AP3B2: variants seen among roughly 807,000 people sequenced by gnomAD.
AP3B2 encodes the protein adaptor related protein complex 3 subunit beta 2.
AP3B2 carries 50 observed loss-of-function variants against 126.9 expected under a neutral mutation model. The observed-to-expected ratio is 0.39, with a 90% CI of 0.31 to 0.50. AP3B2 has a LOEUF of 0.50. Among genes scored for constraint, AP3B2 ranks in the 20% least tolerant of loss-of-function variants. The probability of loss-of-function intolerance (pLI) is 0.79; values close to 1 mark genes in which losing one functional copy is unlikely to be tolerated. For synonymous variants in AP3B2, 541 were observed against 565.0 expected (o/e 0.96, Z 0.60); for missense variants, 1,177 against 1,426.4 (o/e 0.83, Z 2.82).
intron 23 of AP3B2, 133 bp downstream of exon 23, chr15:82,662,561 G>A (rs2047970138): frequency 2.4e-6 from 2 of 847,308 alleles, no homozygotes; most frequent in Admixed American, 2.5e-5. Context: ...CCAGAGTGTT[G>A]ATCATGTTAG....
At chr15:82,690,150 C>T (rs554407655) in intron 1 of AP3B2, among the ~76,000 whole-genome samples, 3 of 151,890 alleles carry the variant, frequency 2.0e-5, no homozygotes, top group South Asian at 2.1e-4. Context: ...ATGGTCCTGC[C>T]GACACCTTGA....
At chr15:82,689,651 C>T (rs2048490838) in intron 1 of AP3B2, 198 bp from the exon 2 acceptor site, 3 of 594,044 alleles carry the variant, frequency 5.1e-6, no homozygotes, top group Non-Finnish European at 9.0e-6. Flanking sequence ...GTGGGTTGAA[C>T]TGTGTCCTTC....
At position 82,681,086 on chromosome 15, in the gene AP3B2, C is replaced by T. The variant is rs776099793; in HGVS notation, c.588+26G>A. 86 of 1,613,428 alleles carry T rather than the reference C, an allele frequency of 5.3e-5. No individual in the cohort carries two copies. The highest frequency in any genetic ancestry group is 7.0e-5 in the Non-Finnish European group (82 of 1,179,802). ...GAAGGCCGGCTGCCGGTCACCACCC[C>T]TCCCGGAGCGCCCCTATACACGCAC... is the stretch of plus-strand genomic sequence containing the variant. On this transcript the variant is annotated intron_variant, in intron 6 of 26. Transcript: ENST00000535359. The surrounding 1 kb of genome is among the most constrained non-coding windows in gnomAD (Gnocchi z 4.0).
At position 82,665,414 on chromosome 15, in the gene AP3B2, CACACACACACACACACACACT is replaced by C. The variant is rs2048037814; in HGVS notation, c.1971+22_1971+42del. The C allele has an allele frequency of 8.6e-7, 1 of 1,156,572 alleles. No individual in the cohort carries two copies. Among genetic ancestry groups the C allele is most frequent in the East Asian group, 2.6e-5 (1 of 38,758 alleles). 71.6% of individuals were successfully genotyped at this position (1,156,572 alleles called of 1,614,324 possible). A position where few individuals can be genotyped will look rare whatever the true frequency, so the allele number is the denominator to read the frequency against. ...ACACACACACACACACACACACACA[CACACACACACACACACACACT>C]TCAACCCTCCACCCCGCTGACCTCC... is the stretch of plus-strand genomic sequence containing the variant. On this transcript the variant is annotated intron_variant, in intron 16 of 26. Coordinates refer to ENST00000535359, the MANE Select transcript of AP3B2 (RefSeq NM_001278512.2). This position sits in a 1 kb window ranked among gnomAD's most constrained non-coding sequence, Gnocchi z 4.4.
Position 82,666,739 on chromosome 15 carries a change from G to C in AP3B2, c.1852+8C>G. On this transcript the variant is annotated splice_region_variant and intron_variant, in intron 15 of 26. Transcript: ENST00000535359. ...CCTAGGAAGGTTACCCTTGATTTCA[G>C]CTCCCACCTTTGAAGGATGACTCCA... The C allele has an allele frequency of 6.2e-7, 1 of 1,612,276 alleles. No individual in the cohort carries two copies. Among genetic ancestry groups the C allele is most frequent in the Non-Finnish European group, 8.5e-7 (1 of 1,178,806 alleles).
rs1375033006 is a variant in AP3B2 at position 82,676,538 on chromosome 15, A to G, written c.1588T>C (p.Phe530Leu). 2 of 1,613,870 alleles carry G rather than the reference A, an allele frequency of 1.2e-6. No individual in the cohort carries two copies. The highest frequency in any genetic ancestry group is 1.3e-5 in the African/African-American group (1 of 74,912). Reference sequence around the variant, plus strand: ...TTGACAATATCCTCCTCTGCTGTGAATGACTTGGCCATTTTTCTTAAGACA... The same window carrying G: ...TTGACAATATCCTCCTCTGCTGTGAGTGACTTGGCCATTTTTCTTAAGACA... ...PDVLRKMAKS[F>L]TAEEDIVKLQ... is the part of the protein sequence containing the mutation. Residue 530 changes from phenylalanine (F) to leucine (L), a missense_variant, in exon 14 of 27, where the codon TTC (phenylalanine) becomes CTC (leucine). Phe to Leu is a conservative substitution (Grantham distance 22). Transcript: ENST00000535359.
intron 14 of AP3B2, 97 bp from the exon 15 acceptor site, chr15:82,667,030 TCTC>T: frequency 4.7e-6 from 6 of 1,279,982 alleles, no homozygotes; most frequent in Non-Finnish European, 6.6e-6. Context: ...AGGCAGAACG[TCTC>T]CTCTCCCTGC....
intron 1 of AP3B2, among the ~76,000 whole-genome samples, chr15:82,701,592 G>A (rs909856626): frequency 1.3e-5 from 2 of 152,086 alleles, no homozygotes; most frequent in East Asian, 1.9e-4. Flanking sequence ...TTTAGATGTC[G>A]ACTTAGAATG....
chr15:82,665,663 T>A lies in AP3B2; in HGVS notation c.1853-88A>T. On this transcript the variant is annotated intron_variant, in intron 15 of 26. Transcript: ENST00000535359. The surrounding 1 kb of genome is among the most constrained non-coding windows in gnomAD (Gnocchi z 4.4). ...TCCAGGTGGGGCTGGGTGGTGATTC[T>A]GGTTGGGACTTCCCAGGTGGGTAGG... 1 of 1,067,414 alleles carries A rather than the reference T, an allele frequency of 9.4e-7. No homozygotes were observed. The highest frequency in any genetic ancestry group is 1.4e-6 in the Non-Finnish European group (1 of 703,448). The allele number at this position is 1,067,414 out of a possible 1,614,324, so 66.1% of individuals were successfully genotyped here. A position where few individuals can be genotyped will look rare whatever the true frequency, so the allele number is the denominator to read the frequency against.
intron 25 of AP3B2, among the ~76,000 whole-genome samples, chr15:82,660,789 C>G (rs776649569): frequency 2.0e-5 from 3 of 152,186 alleles, no homozygotes; most frequent in Non-Finnish European, 4.4e-5. Context: ...TGTTCATGTT[C>G]AAGTGTCCCC....
At chr15:82,667,237 T>C (rs2048074126) in intron 14 of AP3B2, among the ~76,000 whole-genome samples, 1 of 152,158 alleles carries the variant, frequency 6.6e-6, no homozygotes, top group Non-Finnish European at 1.5e-5. Flanking sequence ...AGATTTGTGG[T>C]CCCTACCACT....
chr15:82,709,116 G>A (rs1448709214), intron 1 of AP3B2, among the ~76,000 whole-genome samples: 1 of 152,114 alleles, frequency 6.6e-6, no homozygotes, highest in African/African-American at 2.4e-5. Flanking sequence ...GGGACCAGAG[G>A]GAGGGGAAAT....
At chr15:82,703,100 T>C (rs929835457) in intron 1 of AP3B2, among the ~76,000 whole-genome samples, 11 of 152,144 alleles carry the variant, frequency 7.2e-5, no homozygotes, top group African/African-American at 2.4e-4. Context: ...CCGGCGCCGA[T>C]CACGGACTCA....
rs1056829537 is a variant in AP3B2, at chr15:82,681,741, A to G, written c.361-161T>C. ...TGTGCCAGTGATGGGTATCTGGGGG[A>G]CACTTAATTTTGGCTCTGGTTGCAG... On this transcript the variant is annotated intron_variant, in intron 4 of 26. Transcript: ENST00000535359. The surrounding 1 kb of genome is among the most constrained non-coding windows in gnomAD (Gnocchi z 4.0). 12 of 783,192 alleles carry G rather than the reference A, an allele frequency of 1.5e-5. No individual in the cohort carries two copies. Among genetic ancestry groups the G allele is most frequent in the Non-Finnish European group, 2.2e-5 (11 of 506,008 alleles). 48.5% of individuals were successfully genotyped at this position (783,192 alleles called of 1,614,324 possible).
intron 1 of AP3B2, among the ~76,000 whole-genome samples, chr15:82,694,871 A>G (rs894285205): frequency 6.6e-6 from 1 of 152,114 alleles, no homozygotes; most frequent in Non-Finnish European, 1.5e-5. Context: ...TTTGGTCTCT[A>G]TACCCCATTT....
In AP3B2 at chr15:82,664,464, T is replaced by C. The variant is rs1469399444; in HGVS notation, c.2164A>G (p.Ser722Gly). 3 of 1,613,838 alleles carry C rather than the reference T, an allele frequency of 1.9e-6. No individual in the cohort carries two copies. The highest frequency in any genetic ancestry group is 2.5e-6 in the Non-Finnish European group (3 of 1,179,842). ...GAGCCGCTCTCACTGCTGCTCTTACTGTCCGATTCACTCTCAGACTCAGGG... is the reference window on the plus strand; with the variant it reads ...GAGCCGCTCTCACTGCTGCTCTTACCGTCCGATTCACTCTCAGACTCAGGG... ...SDPESESESD[S>G]KSSSESGSGE... Residue 722 changes from serine (S) to glycine (G), a missense_variant, in exon 19 of 27, where the codon AGT becomes GGT. By Grantham distance (56) the Ser-to-Gly change is moderately conservative (BLOSUM62 0). Around this residue, in one of 5 missense-constraint regions of AP3B2, gnomAD observed 587 missense variants for 571.3 expected, o/e 1.03. Transcript: ENST00000535359. The surrounding 1 kb of genome is among the most constrained non-coding windows in gnomAD (Gnocchi z 4.5).
chr15:82,699,762 T>G (rs9652567), intron 1 of AP3B2: 233,270 of 398,896 alleles, frequency 0.58, 69,246 homozygotes, highest in Non-Finnish European at 0.63. Context: ...GGTACCGGAG[T>G]GGGGGCCCAC....
At chr15:82,707,210 A>G (rs1057348396) in intron 1 of AP3B2, among the ~76,000 whole-genome samples, 3 of 152,212 alleles carry the variant, frequency 2.0e-5, no homozygotes, top group African/African-American at 7.2e-5. Context: ...ACCATCCTCA[A>G]TCTTCAGAAA....
At position 82,677,781 on chromosome 15, in the gene AP3B2, T is replaced by G; in HGVS notation, c.1268A>C (p.Lys423Thr). The stretch of plus-strand genomic sequence containing the variant: ...CTGGATTGTGGCTGCCACAAAGTCC[T>G]TGTCCATGCTGCGAATATAGGTCTG... ...EFQTYIRSMD[K>T]DFVAATIQAI... The change falls in exon 12 of 27, where the codon AAG becomes ACG. Residue 423 changes from lysine to threonine, a missense_variant. Lys to Thr is a moderately conservative substitution (Grantham distance 78). Around this residue, in one of 5 missense-constraint regions of AP3B2, gnomAD observed 308 missense variants for 452.4 expected, o/e 0.68. Transcript: ENST00000535359. The G allele has an allele frequency of 1.2e-6, 2 of 1,611,008 alleles. No individual in the cohort carries two copies. Among genetic ancestry groups the G allele is most frequent in the Non-Finnish European group, 1.7e-6 (2 of 1,178,186 alleles).
Sources: allele counts gnomAD v4.1 joint callset (sites outside exome capture counted in the v4.1 genomes callset), GRCh38; gene constraint gnomAD v4.1.1; regional missense constraint gnomAD v4.1.1; non-coding constraint Gnocchi (gnomAD v3.1); transcripts MANE v1.5; gene names NCBI Gene and HGNC (gene_info 2026-07-23, HGNC 2026-07-21).